Variants in EPHX2 observed in about 807,000 individuals in gnomAD.
EPHX2 encodes bifunctional epoxide hydrolase 2.
In EPHX2, 74 loss-of-function variants were observed where a neutral mutation model predicts 78.7. The observed-to-expected ratio is 0.94, with a 90% CI of 0.78 to 1.14. The LOEUF (loss-of-function observed/expected upper bound fraction) is 1.14. EPHX2 is among the 50% of genes most tolerant of loss of function. The pLI is 0.00. For synonymous variants in EPHX2, 251 were observed against 255.2 expected (o/e 0.98, Z 0.16); for missense variants, 715 against 702.5 (o/e 1.02, Z -0.20).
chr8:27,525,483 G>A lies in EPHX2; in HGVS notation c.1170+10G>A, dbSNP rs373383869. On this transcript the variant is annotated intron_variant, in intron 12 of 18. Coordinates refer to ENST00000521400, the MANE Select transcript of EPHX2 (RefSeq NM_001979.6). ...CTACTTCCAAGAACCAGTAAGTATG[G>A]CACCAAGGGCAACAATGGGAGCATT... The A allele has an allele frequency of 1.0e-5, 16 of 1,601,356 alleles. No homozygotes were observed. Among genetic ancestry groups the A allele is most frequent in the Non-Finnish European group, 1.4e-5 (16 of 1,168,412 alleles).
intron 11 of EPHX2, 133 bp from the exon 12 acceptor site, chr8:27,525,229 C>A (rs1259021863): frequency 4.2e-6 from 3 of 718,060 alleles, no homozygotes; most frequent in African/African-American, 1.8e-5. Context: ...TTCTCCCATT[C>A]ACTGCTAGTG....
rs147356309 is a variant in EPHX2, at chr8:27,545,097, C to T, written c.*575C>T. On this transcript the variant is annotated 3_prime_UTR_variant, in exon 19 of 19. Transcript: ENST00000521400. ...GGGGATGGCAGTGGTGTCTTGTGCT[C>T]TGTCCCCTAGAGCAGTCACTGGCCA... The T allele has an allele frequency of 6.5e-6, 1 of 153,924 alleles. No homozygotes were observed. The highest frequency in any genetic ancestry group is 1.4e-5 in the Non-Finnish European group (1 of 69,134). 9.5% of individuals were successfully genotyped at this position (153,924 alleles called of 1,614,324 possible).
rs1815526592 is a variant in EPHX2 at position 27,544,579 on chromosome 8, C to T, written c.*57C>T. ...GCCATCCTTCCACCTGCTGGGGCAC[C>T]ATTCTTAGTATACAGAGGTGGCCTT... On this transcript the variant is annotated 3_prime_UTR_variant, in exon 19 of 19. Coordinates refer to ENST00000521400, the MANE Select transcript of EPHX2 (RefSeq NM_001979.6). The T allele has an allele frequency of 6.3e-7, 1 of 1,575,054 alleles. No homozygotes were observed. Among genetic ancestry groups the T allele is most frequent in the South Asian group, 1.1e-5 (1 of 90,232 alleles).
At chr8:27,543,165 A>G (rs68012375) in intron 16 of EPHX2, among the ~76,000 whole-genome samples, 15,400 of 151,752 alleles carry the variant, frequency 0.1, 829 homozygotes, top group East Asian at 0.18. Context: ...AGAGATGCCC[A>G]TCACTCTGGG....
At chr8:27,527,798 G>A (rs190587657) in intron 12 of EPHX2, among the ~76,000 whole-genome samples, 64 of 152,272 alleles carry the variant, frequency 4.2e-4, no homozygotes, top group African/African-American at 1.4e-3. Flanking sequence ...ATCTGTCAAT[G>A]GGTTACAGCT....
At chr8:27,506,109 C>T (rs1407557281) in intron 4 of EPHX2, among the ~76,000 whole-genome samples, 2 of 152,164 alleles carry the variant, frequency 1.3e-5, no homozygotes, top group Non-Finnish European at 2.9e-5. Context: ...CTGCCTCAGC[C>T]TCCCAAGTAG....
intron 14 of EPHX2, among the ~76,000 whole-genome samples, chr8:27,539,858 A>G (rs979576391): frequency 1.3e-5 from 2 of 152,220 alleles, no homozygotes; most frequent in African/African-American, 4.8e-5. Flanking sequence ...AAAGCCTGGA[A>G]TGACCAGTTC....
intron 1 of EPHX2, among the ~76,000 whole-genome samples, chr8:27,495,710 A>G (rs72473995): frequency 0.026 from 4,019 of 152,336 alleles, 147 homozygotes; most frequent in African/African-American, 0.079. Flanking sequence ...GCAACTACCC[A>G]TAAACAGTAA....
intron 11 of EPHX2, among the ~76,000 whole-genome samples, chr8:27,524,989 A>G (rs913965856): frequency 2.5e-5 from 2 of 79,462 alleles, no homozygotes; most frequent in African/African-American, 2.5e-4. Flanking sequence ...AAGGGAGGGA[A>G]AAAAAATGAA....
intron 12 of EPHX2, among the ~76,000 whole-genome samples, chr8:27,531,688 G>A (rs146666983): frequency 4.0e-4 from 61 of 152,258 alleles, no homozygotes; most frequent in Admixed American, 9.1e-4. Context: ...TGGGGGCTTC[G>A]TGGACCTGCA....
chr8:27,544,369 G>A, intron 18 of EPHX2, 75 bp from the exon 19 acceptor site: 1 of 1,597,456 alleles, frequency 6.3e-7, no homozygotes, highest in South Asian at 1.1e-5. Context: ...ACTCACCTCT[G>A]CCTTCGAGTT....
At chr8:27,543,268 C>T (rs1380180575) in intron 16 of EPHX2, among the ~76,000 whole-genome samples, 1 of 152,066 alleles carries the variant, frequency 6.6e-6, no homozygotes, top group Non-Finnish European at 1.5e-5. Context: ...AAGGAAAAAA[C>T]ACAGAGGCTT....
intron 1 of EPHX2, among the ~76,000 whole-genome samples, chr8:27,494,685 C>T (rs759001499): frequency 1.3e-5 from 2 of 152,214 alleles, no homozygotes; most frequent in Non-Finnish European, 2.9e-5. Flanking sequence ...TGGCACACCT[C>T]ACAGGCTTTG....
At position 27,522,642 on chromosome 8, in the gene EPHX2, C is replaced by A. The variant is rs1043250634; in HGVS notation, c.1058+134C>A. 13 of 841,708 alleles carry A rather than the reference C, an allele frequency of 1.5e-5. No homozygotes were observed. The Admixed American group carries it at 1.6e-4, about 11-fold the overall frequency. 52.1% of individuals were successfully genotyped at this position (841,708 alleles called of 1,614,324 possible). On this transcript the variant is annotated intron_variant, in intron 11 of 18. Coordinates refer to ENST00000521400, the MANE Select transcript of EPHX2 (RefSeq NM_001979.6). Reference sequence around the variant, plus strand: ...AGTCTGGGAAGGTGATGTCTTCACTCTTTAGTGTCTGGTGACACATTATAA... The same window carrying A: ...AGTCTGGGAAGGTGATGTCTTCACTATTTAGTGTCTGGTGACACATTATAA...
Position 27,503,656 on chromosome 8 carries a change from T to G in EPHX2, c.239T>G (p.Val80Gly). The G allele has an allele frequency of 6.2e-7, 1 of 1,613,912 alleles. No homozygotes were observed. Among genetic ancestry groups the G allele is most frequent in the Middle Eastern group, 1.6e-4 (1 of 6,062 alleles). ...AGGAAGTGCTCCGAGACCGCTAAAG[T>G]CTGCCTCCCCAAGAATTTCTCCATA... ...NCRKCSETAKVCLPKNFSIKE... is the reference protein window; with the variant it reads ...NCRKCSETAKGCLPKNFSIKE... The change falls in exon 3 of 19, where the codon GTC (valine) becomes GGC (glycine). Residue 80 changes from valine to glycine, a missense_variant. Transcript: ENST00000521400.
At chr8:27,509,291 A>G (rs1814144016) in intron 5 of EPHX2, among the ~76,000 whole-genome samples, 1 of 152,064 alleles carries the variant, frequency 6.6e-6, no homozygotes, top group Non-Finnish European at 1.5e-5. Flanking sequence ...AGGACGCCTG[A>G]GTTGCTTTTG....
chr8:27,532,470 C>T (rs1815078052), intron 12 of EPHX2, among the ~76,000 whole-genome samples: 1 of 152,184 alleles, frequency 6.6e-6, no homozygotes, highest in African/African-American at 2.4e-5. Flanking sequence ...AACAAAGTAC[C>T]ACAAGCTGTG....
rs959474072 is a variant in EPHX2, at chr8:27,502,335, A to G, written c.187-1269A>G. On this transcript the variant is annotated intron_variant, in intron 2 of 18. Transcript: ENST00000521400. The stretch of plus-strand genomic sequence containing the variant: ...TATACCCCAATCTATCCATTCTTCT[A>G]TTGATGGGGTTCTGGGTAGTTTTCA... 2.0e-5 allele frequency among the ~76,000 whole-genome samples: 3 copies of G among 152,268 alleles called. No homozygotes were observed. The East Asian group carries it at 5.8e-4, about 29-fold the overall frequency.
chr8:27,491,324 C>T lies in EPHX2; in HGVS notation c.101+15C>T, dbSNP rs962506425. ...GCGCTGCCCAGGTAAGGGGGCCCAG[C>T]GCCGCCGCCGCAGTGGGTCGGGGCC... is the stretch of plus-strand genomic sequence containing the variant. On this transcript the variant is annotated intron_variant, in intron 1 of 18. Transcript: ENST00000521400. 2 of 1,461,538 alleles carry T rather than the reference C, an allele frequency of 1.4e-6. No individual in the cohort carries two copies. Among genetic ancestry groups the T allele is most frequent in the South Asian group, 1.4e-5 (1 of 73,008 alleles). 90.5% of individuals were successfully genotyped at this position (1,461,538 alleles called of 1,614,324 possible).
Sources: allele counts gnomAD v4.1 joint callset (sites outside exome capture counted in the v4.1 genomes callset), GRCh38; gene constraint gnomAD v4.1.1; transcripts MANE v1.5; gene names NCBI Gene and HGNC (gene_info 2026-07-23, HGNC 2026-07-21).